NALF1: variants seen among roughly 807,000 people sequenced by gnomAD.
NALF1 encodes the protein NALCN channel auxiliary factor 1.
Under a neutral mutation model 48.4 loss-of-function variants are expected in NALF1, and 3 were observed. The ratio of observed to expected loss-of-function variants is 0.06; its 90% CI spans 0.03 to 0.16. The LOEUF is 0.16. Among genes scored for constraint, NALF1 ranks in the 10% least tolerant of loss-of-function variants. The probability of loss-of-function intolerance (pLI) is 1.00; values close to 1 mark genes in which losing one functional copy is unlikely to be tolerated. For synonymous variants in NALF1, 262 were observed against 245.7 expected, an observed-to-expected ratio of 1.07 and a Z score of -0.62; for missense variants, 526 against 571.5, an observed-to-expected ratio of 0.92 and a Z score of 0.81.
At chr13:107,276,840 AT>A (rs1034641730) in intron 1 of NALF1, among the ~76,000 whole-genome samples, 1 of 152,174 alleles carries the variant, frequency 6.6e-6, no homozygotes, top group African/African-American at 2.4e-5. Flanking sequence ...GGAAAGCCAT[AT>A]TTTTAACTTA....
At chr13:107,835,640 T>C (rs1879867787) in intron 1 of NALF1, among the ~76,000 whole-genome samples, 1 of 151,932 alleles carries the variant, frequency 6.6e-6, no homozygotes. Flanking sequence ...CACACACCGG[T>C]GACTCAGGGC....
intron 1 of NALF1, among the ~76,000 whole-genome samples, chr13:107,231,084 G>T (rs1020290047): frequency 7.4e-5 from 10 of 135,382 alleles, no homozygotes. Flanking sequence ...AAAAAAGGAA[G>T]AAAAGAAAAA....
intron 1 of NALF1, among the ~76,000 whole-genome samples, chr13:107,318,229 T>A (rs965439812): frequency 1.3e-5 from 2 of 152,156 alleles, no homozygotes; most frequent in African/African-American, 2.4e-5. Flanking sequence ...GTAAATATCA[T>A]TCAAAATATA....
chr13:107,426,283 G>A (rs750519287), intron 1 of NALF1, among the ~76,000 whole-genome samples: 3 of 152,214 alleles, frequency 2.0e-5, no homozygotes, highest in African/African-American at 4.8e-5. Flanking sequence ...TGAGGTTGTA[G>A]AATGAGGTTT....
Position 107,866,258 on chromosome 13 carries a change from G to C in NALF1, c.339C>G (p.Ser113=), listed in dbSNP as rs769437192. ...GTCTGTGTGCCTGGGCGGCGGGCGA[G>C]GACTCCCCCATGCTCGCCAGGAGCG... The part of the protein sequence containing the change: ...WPALLASMGE[S]SPAAQAHRLL... Residue 113 remains serine (S), a synonymous_variant, in exon 1 of 3, where the codon TCC becomes TCG. Coordinates refer to ENST00000375915, the MANE Select transcript of NALF1 (RefSeq NM_001080396.3). The surrounding 1 kb of genome is among the most constrained non-coding windows in gnomAD (Gnocchi z 4.4). The C allele has an allele frequency of 2.6e-5, 42 of 1,594,892 alleles. No homozygotes were observed. The African/African-American group carries it at 5.4e-4, about 20-fold the overall frequency.
chr13:107,514,701 C>T (rs750405965), intron 1 of NALF1, among the ~76,000 whole-genome samples: 7 of 152,118 alleles, frequency 4.6e-5, no homozygotes, highest in Non-Finnish European at 7.4e-5. Context: ...GAATCCTGCC[C>T]TTCTTTGCTC....
Position 107,755,737 on chromosome 13 carries a change from A to G in NALF1, c.915+109945T>C, listed in dbSNP as rs202005692. ...CATATGTACATACATGCAGAGGAAA[A>G]GCTACAATCTACCGCAGACTTGGAG... On this transcript the variant is annotated intron_variant, in intron 1 of 2. Transcript: ENST00000375915. 2.7e-4 allele frequency among the ~76,000 whole-genome samples: 41 copies of G among 152,216 alleles called. No individual in the cohort carries two copies. In the East Asian group the frequency reaches 7.9e-3, roughly 29 times the overall value.
rs1875462271 is a variant in NALF1, at chr13:107,499,920, G to C, written c.916-289165C>G. On this transcript the variant is annotated intron_variant, in intron 1 of 2. Coordinates refer to ENST00000375915, the MANE Select transcript of NALF1 (RefSeq NM_001080396.3). ...TGATAGACAACTCTATTGTTTCTCT[G>C]AGGGAACTCATTATCTTTAAAACTC... Among the ~76,000 whole-genome samples, 3 of 151,952 alleles carry C rather than the reference G, an allele frequency of 2.0e-5. No individual in the cohort carries two copies. In the South Asian group the frequency reaches 6.2e-4, roughly 32 times the overall value.
Position 107,168,419 on chromosome 13 carries a change from T to C in NALF1, c.*2078A>G, listed in dbSNP as rs889927864. ...AGCTTGTGTCCCCAGAAAAGCACCA[T>C]GTTTCCATACACTAAAATATGATGC... On this transcript the variant is annotated 3_prime_UTR_variant, in exon 3 of 3. Coordinates refer to ENST00000375915, the MANE Select transcript of NALF1 (RefSeq NM_001080396.3). 2 of 152,334 alleles carry C rather than the reference T, an allele frequency of 1.3e-5. No individual in the cohort carries two copies. Among genetic ancestry groups the C allele is most frequent in the African/African-American group, 4.8e-5 (2 of 41,450 alleles). 9.4% of individuals were successfully genotyped at this position (152,334 alleles called of 1,614,324 possible). A position where few individuals can be genotyped will look rare whatever the true frequency, so the allele number is the denominator to read the frequency against.
At chr13:107,692,312 T>C (rs1881586315) in intron 1 of NALF1, among the ~76,000 whole-genome samples, 1 of 152,182 alleles carries the variant, frequency 6.6e-6, no homozygotes, top group African/African-American at 2.4e-5. Context: ...CTGAATTTAG[T>C]ACATCTAAAA....
chr13:107,341,831 C>CAT lies in NALF1; in HGVS notation c.916-131078_916-131077dup, dbSNP rs556630726. ...AACATTACCCAGGGTAGTAGTATTT[C>CAT]ATATATATACATATACAGACACACA... On this transcript the variant is annotated intron_variant, in intron 1 of 2. Coordinates refer to ENST00000375915, the MANE Select transcript of NALF1 (RefSeq NM_001080396.3). 2.2e-4 allele frequency among the ~76,000 whole-genome samples: 33 copies of CAT among 150,950 alleles called. 1 individual carries two copies. In the South Asian group the frequency reaches 6.5e-3, roughly 30 times the overall value.
chr13:107,459,915 T>C (rs1884890204), intron 1 of NALF1, among the ~76,000 whole-genome samples: 1 of 152,064 alleles, frequency 6.6e-6, no homozygotes. Context: ...CTAATTTTTG[T>C]ATTCTTTGTA....
chr13:107,550,957 T>G (rs940121393), intron 1 of NALF1, among the ~76,000 whole-genome samples: 1 of 152,124 alleles, frequency 6.6e-6, no homozygotes, highest in African/African-American at 2.4e-5. Context: ...TCTCTTTTTA[T>G]CCTTATATGT....
chr13:107,860,162 C>T (rs1184857336), intron 1 of NALF1, among the ~76,000 whole-genome samples: 1 of 152,136 alleles, frequency 6.6e-6, no homozygotes, highest in African/African-American at 2.4e-5. Flanking sequence ...CTCCACACAT[C>T]CATCTCCTTC....
intron 1 of NALF1, among the ~76,000 whole-genome samples, chr13:107,595,631 A>C (rs1438502661): frequency 6.6e-6 from 1 of 152,160 alleles, no homozygotes; most frequent in Admixed American, 6.5e-5. Flanking sequence ...TAATTGCTAT[A>C]TTTTCCAGAT....
At chr13:107,567,057 T>C (rs1442187146) in intron 1 of NALF1, among the ~76,000 whole-genome samples, 2 of 152,108 alleles carry the variant, frequency 1.3e-5, no homozygotes, top group Non-Finnish European at 2.9e-5. Context: ...ACAAACATAA[T>C]GAAAGAAATG....
At chr13:107,773,198 C>A (rs903514899) in intron 1 of NALF1, among the ~76,000 whole-genome samples, 2 of 152,130 alleles carry the variant, frequency 1.3e-5, no homozygotes, top group Non-Finnish European at 1.5e-5. Flanking sequence ...CAGAGTCTGA[C>A]ATATTTTACC....
chr13:107,790,489 C>T (rs1878199288), intron 1 of NALF1, among the ~76,000 whole-genome samples: 1 of 152,160 alleles, frequency 6.6e-6, no homozygotes, highest in Admixed American at 6.5e-5. Context: ...ATTTACCCAT[C>T]ATCTCCTATA....
At chr13:107,798,942 T>C (rs1878517394) in intron 1 of NALF1, among the ~76,000 whole-genome samples, 1 of 152,216 alleles carries the variant, frequency 6.6e-6, no homozygotes, top group South Asian at 2.1e-4. Context: ...AGGAATATTA[T>C]GTTTTCTCTT....
Sources: gnomAD v4.1 joint callset for allele counts (sites outside exome capture counted in the v4.1 genomes callset) on GRCh38, gnomAD v4.1.1 for gene constraint, Gnocchi (gnomAD v3.1) non-coding constraint, MANE v1.5 for transcripts, NCBI Gene and HGNC (gene_info 2026-07-23, HGNC 2026-07-21) for gene names.